The following RPA3 variants were observed in gnomAD, a reference collection of about 807,000 sequenced individuals.
The protein encoded by RPA3 is replication protein A 14 kDa subunit.
In RPA3, 24 loss-of-function variants were observed where a neutral mutation model predicts 13.7. That is an observed-to-expected ratio of 1.75 (90% CI 1.27 to 2.46). The LOEUF is 2.46. RPA3 is among the 30% of genes most tolerant of loss of function. RPA3 has a pLI of 0.00. For missense variants in RPA3, 183 were observed against 151.0 expected (o/e 1.21, Z -1.11); for synonymous variants, 59 against 51.2 (o/e 1.15, Z -0.65).
At chr7:7,703,396 C>T (rs1780516836) in intron 2 of RPA3, among the ~76,000 whole-genome samples, 1 of 152,092 alleles carries the variant, frequency 6.6e-6, no homozygotes, top group Non-Finnish European at 1.5e-5. Flanking sequence ...GAATTTTTAA[C>T]TTTTTAGTAT....
chr7:7,667,102 C>T (rs1563101784), intron 4 of RPA3, among the ~76,000 whole-genome samples: 1 of 152,206 alleles, frequency 6.6e-6, no homozygotes, highest in Non-Finnish European at 1.5e-5. Flanking sequence ...AGCCACTGCG[C>T]CCGGCTGACA....
At chr7:7,676,313 A>G in intron 4 of RPA3, 1 of 394,316 alleles carries the variant, frequency 2.5e-6, no homozygotes, top group Non-Finnish European at 4.5e-6. Flanking sequence ...TAATGTGTGT[A>G]AAATGTTTAG....
rs1004800208 is a variant in RPA3 at position 7,708,938 on chromosome 7, T to TGA, written c.-1028+6235_-1028+6236dup. 3.3e-3 allele frequency among the ~76,000 whole-genome samples: 498 copies of TGA among 150,664 alleles called. 3 individuals are homozygous for TGA. Among genetic ancestry groups the TGA allele is most frequent in the African/African-American group, 0.012 (480 of 41,088 alleles). On this transcript the variant is annotated intron_variant, in intron 2 of 7. Coordinates refer to ENST00000223129, the MANE Select transcript of RPA3 (RefSeq NM_002947.5). ...TTGTGTTTGTGTGTCTGTGTGTGTG[T>TGA]GAGAGAGAGAGAGGGAGAGAGAGAG...
intron 2 of RPA3, among the ~76,000 whole-genome samples, chr7:7,711,896 C>T (rs1183857088): frequency 6.6e-6 from 1 of 152,116 alleles, no homozygotes; most frequent in Non-Finnish European, 1.5e-5. Context: ...CTTCCTATAG[C>T]ATCTTCTTAT....
At chr7:7,714,853 C>CT (rs1029148023) in intron 2 of RPA3, among the ~76,000 whole-genome samples, 2,933 of 111,176 alleles carry the variant, frequency 0.026, 44 homozygotes, top group African/African-American at 0.047. Flanking sequence ...AAAAATTTTT[C>CT]TTTTTTTTTT....
At chr7:7,716,933 A>C (rs1274698386) in intron 1 of RPA3, among the ~76,000 whole-genome samples, 1 of 152,130 alleles carries the variant, frequency 6.6e-6, no homozygotes, top group Non-Finnish European at 1.5e-5. Context: ...TGCCCTATGT[A>C]AATCAGACAC....
chr7:7,650,806 A>G (rs977961107), intron 4 of RPA3, among the ~76,000 whole-genome samples: 4 of 152,180 alleles, frequency 2.6e-5, no homozygotes, highest in African/African-American at 9.7e-5. Flanking sequence ...CATCACTGTT[A>G]AGTCCAAACT....
At chr7:7,675,390 A>G (rs768924258) in intron 4 of RPA3, among the ~76,000 whole-genome samples, 4 of 152,140 alleles carry the variant, frequency 2.6e-5, no homozygotes, top group Non-Finnish European at 5.9e-5. Flanking sequence ...TGGTGCTGCT[A>G]AGATCTCCTC....
intron 4 of RPA3, among the ~76,000 whole-genome samples, chr7:7,671,344 G>T (rs1019047962): frequency 1.3e-5 from 2 of 152,200 alleles, no homozygotes; most frequent in Middle Eastern, 3.4e-3. Flanking sequence ...CAAGGCTTCA[G>T]TTGGAGACCC....
At chr7:7,653,457 G>A (rs1168153218) in intron 4 of RPA3, among the ~76,000 whole-genome samples, 3 of 152,106 alleles carry the variant, frequency 2.0e-5, no homozygotes, top group Non-Finnish European at 4.4e-5. Context: ...ATGCTAGTTA[G>A]CATCCTTCTT....
At chr7:7,661,735 G>A (rs188111999) in intron 4 of RPA3, among the ~76,000 whole-genome samples, 1 of 152,322 alleles carries the variant, frequency 6.6e-6, no homozygotes, top group African/African-American at 2.4e-5. Context: ...TCTATGAGGT[G>A]TCTGTCGGCC....
At chr7:7,691,051 T>C (rs6966464) in intron 2 of RPA3, among the ~76,000 whole-genome samples, 100,838 of 152,050 alleles carry the variant, frequency 0.66, 33,547 homozygotes, top group East Asian at 0.87. Context: ...ACCTGTATTT[T>C]TCAATTTGTG....
chr7:7,710,194 A>G (rs1276290564), intron 2 of RPA3, among the ~76,000 whole-genome samples: 1 of 152,184 alleles, frequency 6.6e-6, no homozygotes, highest in Admixed American at 6.5e-5. Flanking sequence ...TCTGATGATG[A>G]ACATTTGGGG....
intron 4 of RPA3, among the ~76,000 whole-genome samples, chr7:7,642,483 T>A (rs1186474023): frequency 3.1e-5 from 4 of 129,578 alleles, no homozygotes; most frequent in African/African-American, 5.8e-5. Flanking sequence ...TTTTTTTTTT[T>A]AAAGAGCACT....
At chr7:7,712,453 T>G (rs1466025033) in intron 2 of RPA3, among the ~76,000 whole-genome samples, 1 of 152,104 alleles carries the variant, frequency 6.6e-6, no homozygotes, top group Non-Finnish European at 1.5e-5. Flanking sequence ...CTTAGAGTGC[T>G]TTTTTGTTTT....
intron 4 of RPA3, among the ~76,000 whole-genome samples, chr7:7,672,737 G>C (rs1300232855): frequency 6.6e-6 from 1 of 152,148 alleles, no homozygotes; most frequent in Non-Finnish European, 1.5e-5. Flanking sequence ...GAAACTGTGA[G>C]TCAATTAAAT....
At chr7:7,675,600 G>C (rs1327273901) in intron 4 of RPA3, among the ~76,000 whole-genome samples, 2 of 152,060 alleles carry the variant, frequency 1.3e-5, no homozygotes, top group African/African-American at 2.4e-5. Context: ...TCCAAATTTC[G>C]TATTTTAAGA....
chr7:7,650,776 C>T (rs958348036), intron 4 of RPA3, among the ~76,000 whole-genome samples: 1 of 152,208 alleles, frequency 6.6e-6, no homozygotes, highest in Non-Finnish European at 1.5e-5. Context: ...GATCACTCTC[C>T]ATCCAGTGAT....
chr7:7,706,739 G>T (rs1019932118), intron 2 of RPA3, among the ~76,000 whole-genome samples: 4 of 152,158 alleles, frequency 2.6e-5, no homozygotes, highest in African/African-American at 9.7e-5. Flanking sequence ...GTAAGAGTGC[G>T]TGGTTAGTAA....
Sources: gnomAD v4.1 joint callset for allele counts (sites outside exome capture counted in the v4.1 genomes callset) on GRCh38, gnomAD v4.1.1 for gene constraint, MANE v1.5 for transcripts, NCBI Gene and HGNC (gene_info 2026-07-23, HGNC 2026-07-21) for gene names.